Variants in LAMC3 observed in about 807,000 individuals in gnomAD.
LAMC3 encodes laminin subunit gamma-3.
LAMC3 carries 128 observed loss-of-function variants against 173.8 expected under a neutral mutation model. That is an observed-to-expected ratio of 0.74 (90% CI 0.64 to 0.85). LAMC3 has a LOEUF of 0.85. Ranked by LOEUF, LAMC3 falls within the 40% of genes least tolerant of loss-of-function variation. LAMC3 has a pLI of 0.00. For synonymous variants in LAMC3, 897 were observed against 909.1 expected (o/e 0.99, Z 0.24); for missense variants, 2,022 against 2,156.0 (o/e 0.94, Z 1.23).
At chr9:131,088,001 G>A (rs781257422) in intron 27 of LAMC3, among the ~76,000 whole-genome samples, 184 bp downstream of exon 27, 4 of 152,184 alleles carry the variant, frequency 2.6e-5, no homozygotes, top group African/African-American at 7.2e-5. Context: ...TGCCATGTGG[G>A]ACAGGGTTGG....
intron 13 of LAMC3, among the ~76,000 whole-genome samples, chr9:131,063,844 C>G (rs1588159022): frequency 6.6e-6 from 1 of 152,182 alleles, no homozygotes; most frequent in East Asian, 1.9e-4. Flanking sequence ...GAATTCTGTT[C>G]CAGTTTGTCT....
chr9:131,053,768 G>A (rs1834343177), intron 11 of LAMC3, among the ~76,000 whole-genome samples: 1 of 152,030 alleles, frequency 6.6e-6, no homozygotes, highest in South Asian at 2.1e-4. Context: ...AGGAGGCGGA[G>A]GTTGTAGTGA....
intron 27 of LAMC3, among the ~76,000 whole-genome samples, chr9:131,089,432 C>T (rs1253070973): frequency 6.6e-6 from 1 of 152,006 alleles, no homozygotes; most frequent in Non-Finnish European, 1.5e-5. Flanking sequence ...GGCTGGAGTG[C>T]AGTGGTGCAG....
intron 13 of LAMC3, among the ~76,000 whole-genome samples, chr9:131,062,652 T>C (rs1233081218): frequency 6.6e-6 from 1 of 152,094 alleles, no homozygotes; most frequent in African/African-American, 2.4e-5. Context: ...GCGGATCACC[T>C]GCGGTCCGGA....
chr9:131,050,000 C>T (rs933147743), intron 9 of LAMC3, among the ~76,000 whole-genome samples: 16 of 152,174 alleles, frequency 1.1e-4, no homozygotes, highest in Non-Finnish European at 2.2e-4. Flanking sequence ...CCAGAGAGGC[C>T]GGGGAGATGA....
intron 15 of LAMC3, among the ~76,000 whole-genome samples, chr9:131,068,581 CA>C (rs1387997277): frequency 6.7e-6 from 1 of 149,748 alleles, no homozygotes; most frequent in Non-Finnish European, 1.5e-5. Context: ...AGGGAAACAC[CA>C]AGTGGAGCAA....
rs954337157 is a variant in LAMC3 at position 131,066,395 on chromosome 9, G to A, written c.2348-565G>A. On this transcript the variant is annotated intron_variant, in intron 13 of 27. Coordinates refer to ENST00000361069, the MANE Select transcript of LAMC3 (RefSeq NM_006059.4). ...AATCCCATCTACTAGGGAGGCTGAG[G>A]CAGGAGAATTGCTTGAACCCAGGAG... Among the ~76,000 whole-genome samples, 4 of 152,016 alleles carry A rather than the reference G, an allele frequency of 2.6e-5. No homozygotes were observed. The East Asian group carries it at 7.7e-4, about 29-fold the overall frequency.
intron 9 of LAMC3, among the ~76,000 whole-genome samples, chr9:131,049,877 G>A (rs149773615): frequency 2.0e-5 from 3 of 152,272 alleles, no homozygotes; most frequent in African/African-American, 4.8e-5. Context: ...GTCTCCTGGC[G>A]ACTGTCTCAG....
chr9:131,032,321 C>T, intron 3 of LAMC3, 146 bp downstream of exon 3: 2 of 759,748 alleles, frequency 2.6e-6, no homozygotes, highest in Admixed American at 2.0e-5. Flanking sequence ...CATTCGAGGC[C>T]CTGGGGGTCC....
Position 131,039,194 on chromosome 9 carries a change from G to A in LAMC3, c.1229G>A (p.Trp410Ter), listed in dbSNP as rs1292634729. The change falls in exon 6 of 28, where the codon TGG (tryptophan) becomes TAG (stop). Residue 410 changes from tryptophan (W) to a stop codon, truncating the protein, a stop_gained. Transcript: ENST00000361069. LOFTEE classifies it high-confidence loss of function. ...TCACKPTVTGWKCDRCLPGFH... is the reference protein window; with the variant it reads ...TCACKPTVTG ...GCCTGCAAGCCCACGGTGACTGGCT[G>A]GAAGTGTGACCGCTGTCTGCCCGGG... 6.2e-7 allele frequency: 1 copy of A among 1,609,552 alleles called. No individual in the cohort carries two copies. Among genetic ancestry groups the A allele is most frequent in the Non-Finnish European group, 8.5e-7 (1 of 1,180,004 alleles).
intron 3 of LAMC3, among the ~76,000 whole-genome samples, chr9:131,032,613 T>TCTCTCTCTCTCA (rs1833859449): frequency 6.6e-6 from 1 of 150,826 alleles, no homozygotes; most frequent in Non-Finnish European, 1.5e-5. Context: ...TCTCTCTCTC[T>TCTCTCTCTCTCA]CTCTCTCTCT....
At chr9:131,032,249 G>C in intron 3 of LAMC3, 74 bp downstream of exon 3, 1 of 473,980 alleles carries the variant, frequency 2.1e-6, no homozygotes, top group African/African-American at 2.4e-5. Flanking sequence ...GCTGCTGTGG[G>C]GTGGGGGGTG....
Position 131,026,464 on chromosome 9 carries a change from G to A in LAMC3, c.553G>A (p.Glu185Lys), listed in dbSNP as rs1295756682. The change falls in exon 2 of 28, where the codon GAG (glutamate) becomes AAG (lysine). Residue 185 changes from glutamate to lysine, a missense_variant. Physicochemically the swap from Glu to Lys is moderately conservative, Grantham distance 56. Coordinates refer to ENST00000361069, the MANE Select transcript of LAMC3 (RefSeq NM_006059.4). The surrounding 1 kb of genome is among the most constrained non-coding windows in gnomAD (Gnocchi z 4.8). ...EGQYLRPGED[E>K]RVAFCTSEFS... is the part of the protein sequence containing the mutation. ...CCAGTACCTGCGCCCCGGCGAGGACGAGCGCGTGGCCTTCTGCACCTCTGA... is the reference window on the plus strand; with the variant it reads ...CCAGTACCTGCGCCCCGGCGAGGACAAGCGCGTGGCCTTCTGCACCTCTGA... The A allele has an allele frequency of 6.8e-6, 11 of 1,613,400 alleles. No individual in the cohort carries two copies. Among genetic ancestry groups the A allele is most frequent in the Middle Eastern group, 1.6e-4 (1 of 6,084 alleles).
chr9:131,079,493 G>A (rs1830197597), intron 23 of LAMC3, among the ~76,000 whole-genome samples, 195 bp downstream of exon 23: 1 of 152,150 alleles, frequency 6.6e-6, no homozygotes, highest in South Asian at 2.1e-4. Flanking sequence ...AGGAGATTGA[G>A]ACCATCCTGG....
At chr9:131,037,757 T>G (rs923857936) in intron 4 of LAMC3, among the ~76,000 whole-genome samples, 7 of 152,238 alleles carry the variant, frequency 4.6e-5, no homozygotes, top group Non-Finnish European at 2.9e-5. Context: ...CCTTCCAAAG[T>G]GCTGGGATCA....
chr9:131,060,289 A>G (rs981193830), intron 12 of LAMC3, among the ~76,000 whole-genome samples: 18 of 152,192 alleles, frequency 1.2e-4, no homozygotes, highest in Non-Finnish European at 2.5e-4. Context: ...AGAAAACAAC[A>G]GTGTAGCGAA....
Position 131,032,189 on chromosome 9 carries a change from G to A in LAMC3, c.809+14G>A. ...TGTGGGCGGCAGGTAGGAGGGAGGAGGGAGGCAGGGTGGCAGGGCTCCAGG... is the reference window on the plus strand; with the variant it reads ...TGTGGGCGGCAGGTAGGAGGGAGGAAGGAGGCAGGGTGGCAGGGCTCCAGG... On this transcript the variant is annotated intron_variant, in intron 3 of 27. Coordinates refer to ENST00000361069, the MANE Select transcript of LAMC3 (RefSeq NM_006059.4). 1 of 1,585,696 alleles carries A rather than the reference G, an allele frequency of 6.3e-7. No homozygotes were observed. Among genetic ancestry groups the A allele is most frequent in the South Asian group, 1.1e-5 (1 of 90,684 alleles).
chr9:131,009,359 C>T lies in LAMC3; in HGVS notation c.145C>T (p.Gln49Ter), dbSNP rs1415783548. The T allele has an allele frequency of 1.3e-6, 2 of 1,512,408 alleles. No individual in the cohort carries two copies. The highest frequency in any genetic ancestry group is 1.8e-6 in the Non-Finnish European group (2 of 1,136,518). 93.7% of individuals were successfully genotyped at this position (1,512,408 alleles called of 1,614,324 possible). A position where few individuals can be genotyped will look rare whatever the true frequency, so the allele number is the denominator to read the frequency against. ...FENAAFGRLA[Q>*]ASHTCGSPPE... ...GAACGCGGCGTTTGGGCGGCTCGCCCAGGCCTCGCACACGTGCGGCAGCCC... is the reference window on the plus strand; with the variant it reads ...GAACGCGGCGTTTGGGCGGCTCGCCTAGGCCTCGCACACGTGCGGCAGCCC... Residue 49 changes from glutamine to a stop codon, truncating the protein, a stop_gained, in exon 1 of 28, where the codon CAG (glutamine) becomes TAG (stop). Transcript: ENST00000361069. LOFTEE classifies it high-confidence loss of function. This position sits in a 1 kb window ranked among gnomAD's most constrained non-coding sequence, Gnocchi z 4.3.
At chr9:131,017,288 G>A (rs969361394) in intron 1 of LAMC3, among the ~76,000 whole-genome samples, 4 of 152,280 alleles carry the variant, frequency 2.6e-5, no homozygotes, top group South Asian at 2.1e-4. Flanking sequence ...AAGCGTGATC[G>A]GAAAAAGGCA....
Sources: allele counts gnomAD v4.1 joint callset (sites outside exome capture counted in the v4.1 genomes callset), GRCh38; gene constraint gnomAD v4.1.1; non-coding constraint Gnocchi (gnomAD v3.1); transcripts MANE v1.5; gene names NCBI Gene and HGNC (gene_info 2026-07-23, HGNC 2026-07-21).